Variants in CORIN observed in about 807,000 individuals in gnomAD.
CORIN encodes the protein corin, serine peptidase, also known as atrial natriuretic peptide-converting enzyme.
CORIN carries 117 observed loss-of-function variants against 125.3 expected under a neutral mutation model. The observed-to-expected ratio is 0.93, with a 90% confidence interval of 0.80 to 1.09. CORIN has a LOEUF of 1.09. CORIN is among the 50% of genes least tolerant of loss of function. The pLI, the probability that CORIN is intolerant of heterozygous loss-of-function variation, is 0.00. For synonymous variants in CORIN, 450 were observed against 466.4 expected (o/e 0.96, Z 0.45); for missense variants, 1,253 against 1,306.7 (o/e 0.96, Z 0.63).
intron 19 of CORIN, among the ~76,000 whole-genome samples, chr4:47,611,181 T>C (rs759201835): frequency 4.6e-5 from 7 of 152,236 alleles, no homozygotes; most frequent in South Asian, 2.1e-4. Flanking sequence ...TAAATTACTT[T>C]GAGCAGTATG....
At position 47,729,736 on chromosome 4, in the gene CORIN, T is replaced by C. The variant is rs538003895; in HGVS notation, c.799+14666A>G. ...CTGTTTTCACACCCAAAAAGTTGCC[T>C]TTTGGCCCACCACACCCCTCATCCT... On this transcript the variant is annotated intron_variant, in intron 5 of 21. Transcript: ENST00000273857. 2.6e-5 allele frequency among the ~76,000 whole-genome samples: 4 copies of C among 152,190 alleles called. No individual in the cohort carries two copies. In the South Asian group the frequency reaches 8.3e-4, roughly 32 times the overall value.
At chr4:47,809,022 A>T (rs1731929720) in intron 1 of CORIN, among the ~76,000 whole-genome samples, 1 of 152,192 alleles carries the variant, frequency 6.6e-6, no homozygotes, top group Admixed American at 6.5e-5. Context: ...TAGAAATACG[A>T]TTTCTTGCTG....
chr4:47,837,370 T>TA (rs1733490483), intron 1 of CORIN: 1 of 167,526 alleles, frequency 6.0e-6, no homozygotes, highest in East Asian at 1.9e-4. Flanking sequence ...GAAGGGGGCT[T>TA]ACGTCTGGGG....
At chr4:47,729,697 G>A (rs936323907) in intron 5 of CORIN, among the ~76,000 whole-genome samples, 6 of 152,114 alleles carry the variant, frequency 3.9e-5, no homozygotes, top group African/African-American at 1.4e-4. Flanking sequence ...AGCTCTAAGT[G>A]AGGACAGGCA....
At chr4:47,688,137 G>A (rs1326521716) in intron 6 of CORIN, among the ~76,000 whole-genome samples, 1 of 152,144 alleles carries the variant, frequency 6.6e-6, no homozygotes, top group African/African-American at 2.4e-5. Context: ...TCACCTGAGT[G>A]CAAGGCCTAG....
intron 4 of CORIN, among the ~76,000 whole-genome samples, chr4:47,747,067 T>C (rs1445953115): frequency 2.0e-5 from 3 of 152,182 alleles, no homozygotes; most frequent in African/African-American, 7.2e-5. Flanking sequence ...CTTTGCCTTC[T>C]AGTTCTTGAC....
chr4:47,704,188 T>C (rs1277436145), intron 5 of CORIN, among the ~76,000 whole-genome samples: 2 of 152,082 alleles, frequency 1.3e-5, no homozygotes, highest in Admixed American at 6.6e-5. Context: ...CAGGATTGCA[T>C]ATAACAAAGC....
intron 19 of CORIN, among the ~76,000 whole-genome samples, chr4:47,619,022 A>C (rs1473965311): frequency 6.6e-6 from 1 of 152,132 alleles, no homozygotes; most frequent in African/African-American, 2.4e-5. Flanking sequence ...GGTTTCCTGG[A>C]GAGGAATCAG....
intron 5 of CORIN, among the ~76,000 whole-genome samples, chr4:47,712,080 G>A (rs1478767505): frequency 1.3e-5 from 2 of 152,212 alleles, no homozygotes; most frequent in South Asian, 2.1e-4. Context: ...TAGAACTGTA[G>A]TGAAGATTAA....
chr4:47,704,010 C>T (rs931311299), intron 5 of CORIN, among the ~76,000 whole-genome samples: 1 of 152,180 alleles, frequency 6.6e-6, no homozygotes, highest in Non-Finnish European at 1.5e-5. Flanking sequence ...TCAATTGCTT[C>T]AGGAAAGTTG....
intron 2 of CORIN, among the ~76,000 whole-genome samples, chr4:47,789,551 A>G (rs1730971394): frequency 6.6e-6 from 1 of 152,174 alleles, no homozygotes. Flanking sequence ...AGAGAAACAG[A>G]ATAAACTTAA....
rs146692845 is a variant in CORIN, at chr4:47,752,875, G to A, written c.618-8292C>T. Among the ~76,000 whole-genome samples the A allele has an allele frequency of 3.8e-4, 58 of 152,266 alleles. 1 individual carries two copies. Among genetic ancestry groups the A allele is most frequent in the African/African-American group, 1.3e-3 (56 of 41,562 alleles). ...GAGATTAACAGATCACAAAAGAAAT[G>A]TGCAATTGTTGAATTATTTTGCAGT... On this transcript the variant is annotated intron_variant, in intron 4 of 21. Transcript: ENST00000273857.
intron 20 of CORIN, among the ~76,000 whole-genome samples, chr4:47,602,744 A>T (rs1340640470): frequency 6.6e-6 from 1 of 152,196 alleles, no homozygotes; most frequent in Non-Finnish European, 1.5e-5. Flanking sequence ...GCCATTTTAA[A>T]TGCCATGGTT....
At chr4:47,677,820 A>G in intron 9 of CORIN, 118 bp downstream of exon 9, 1 of 718,052 alleles carries the variant, frequency 1.4e-6, no homozygotes, top group South Asian at 1.7e-5. Context: ...CCACTATGTT[A>G]GGCAATCTGG....
At chr4:47,608,417 G>C (rs1388602400) in intron 19 of CORIN, among the ~76,000 whole-genome samples, 1 of 152,200 alleles carries the variant, frequency 6.6e-6, no homozygotes, top group Non-Finnish European at 1.5e-5. Flanking sequence ...TTGCCATTTG[G>C]CTGTCAAGCC....
Position 47,594,155 on chromosome 4 carries a change from C to T in CORIN, c.*1566G>A, listed in dbSNP as rs1007174887. On this transcript the variant is annotated 3_prime_UTR_variant, in exon 22 of 22. Transcript: ENST00000273857. ...TGACATATGTTCTTGAACTTTCATA[C>T]AATCGTGACCACAATTCAGTTGCTG... 4 of 152,182 alleles carry T rather than the reference C, an allele frequency of 2.6e-5. No homozygotes were observed. Among genetic ancestry groups the T allele is most frequent in the African/African-American group, 9.7e-5 (4 of 41,406 alleles). The allele number at this position is 152,182 out of a possible 1,614,324, so 9.4% of individuals were successfully genotyped here.
chr4:47,797,220 A>AAT (rs1228346949), intron 2 of CORIN, among the ~76,000 whole-genome samples: 1 of 148,216 alleles, frequency 6.7e-6, no homozygotes, highest in African/African-American at 2.4e-5. Flanking sequence ...TATATAATAT[A>AAT]ATATATAATT....
Position 47,680,175 on chromosome 4 carries a change from G to A in CORIN, c.1098C>T (p.His366=), listed in dbSNP as rs771465430. ...IAMEWVCDGD[H]DCVDKSDEVN... is the part of the protein sequence containing the mutation. ...CCTCGTCAGACTTATCCACACAGTC[G>A]TGGTCACCATCACACACCCACTCCA... Residue 366 remains histidine (H), a synonymous_variant, in exon 8 of 22, where the codon CAC becomes CAT. Coordinates refer to ENST00000273857, the MANE Select transcript of CORIN (RefSeq NM_006587.4). The A allele has an allele frequency of 1.4e-5, 23 of 1,613,732 alleles. No homozygotes were observed. In the South Asian group the frequency reaches 2.1e-4, roughly 15 times the overall value.
intron 9 of CORIN, among the ~76,000 whole-genome samples, chr4:47,677,496 G>A (rs771728783): frequency 2.0e-5 from 3 of 152,108 alleles, no homozygotes; most frequent in East Asian, 1.9e-4. Flanking sequence ...AGATTCACAC[G>A]CAGATATCAA....
Sources: allele counts gnomAD v4.1 joint callset (sites outside exome capture counted in the v4.1 genomes callset), GRCh38; gene constraint gnomAD v4.1.1; transcripts MANE v1.5; gene names NCBI Gene and HGNC (gene_info 2026-07-23, HGNC 2026-07-21).